Variants in FOXP1 observed in about 807,000 individuals in gnomAD.
FOXP1 encodes forkhead box P1.
A neutral mutation model predicts 98.2 loss-of-function variants in FOXP1; 15 were observed. That is an observed-to-expected ratio of 0.15 (90% CI 0.10 to 0.24). The LOEUF is 0.24. Ranked by LOEUF, FOXP1 falls within the 10% of genes least tolerant of loss-of-function variation. The pLI is 1.00. For synonymous variants in FOXP1, 371 were observed against 314.5 expected, an observed-to-expected ratio of 1.18 and a Z score of -1.90; for missense variants, 633 against 848.5, an observed-to-expected ratio of 0.75 and a Z score of 3.15.
intron 2 of FOXP1, among the ~76,000 whole-genome samples, chr3:71,539,142 C>T (rs374129694): frequency 3.6e-4 from 25 of 70,198 alleles, no homozygotes; most frequent in African/African-American, 7.7e-4. Flanking sequence ...GATGGGGTCT[C>T]GCTCTGTCGC....
At chr3:71,371,166 C>A (rs527599437) in intron 3 of FOXP1, among the ~76,000 whole-genome samples, 1 of 152,136 alleles carries the variant, frequency 6.6e-6, no homozygotes, top group Non-Finnish European at 1.5e-5. Flanking sequence ...GTGCTGCTTC[C>A]GCCACTGCTG....
At chr3:71,441,816 G>C (rs972784688) in intron 3 of FOXP1, among the ~76,000 whole-genome samples, 1 of 152,174 alleles carries the variant, frequency 6.6e-6, no homozygotes, top group African/African-American at 2.4e-5. Context: ...CCTTCCCACT[G>C]AGGCCCTTCA....
chr3:71,033,275 G>A (rs1221142009), intron 11 of FOXP1, among the ~76,000 whole-genome samples: 2 of 152,124 alleles, frequency 1.3e-5, no homozygotes, highest in African/African-American at 4.8e-5. Flanking sequence ...AAGAAATGGG[G>A]GGTCCAAAGA....
chr3:71,336,186 GTT>G (rs1230870645), intron 4 of FOXP1, among the ~76,000 whole-genome samples: 1 of 151,990 alleles, frequency 6.6e-6, no homozygotes, highest in East Asian at 1.9e-4. Context: ...TTCAATAAAA[GTT>G]TAAAAAATGC....
chr3:71,011,618 A>T (rs1327093435), intron 12 of FOXP1, among the ~76,000 whole-genome samples: 1 of 152,010 alleles, frequency 6.6e-6, no homozygotes, highest in East Asian at 1.9e-4. Flanking sequence ...TTATTTATTT[A>T]TTTTTTTCGC....
At chr3:71,121,901 G>T (rs1250128104) in intron 6 of FOXP1, among the ~76,000 whole-genome samples, 2 of 151,790 alleles carry the variant, frequency 1.3e-5, no homozygotes, top group Non-Finnish European at 2.9e-5. Flanking sequence ...CAAATGCAAG[G>T]ATAAATGAAT....
At chr3:71,230,956 G>T (rs975468527) in intron 5 of FOXP1, among the ~76,000 whole-genome samples, 12 of 152,148 alleles carry the variant, frequency 7.9e-5, no homozygotes, top group African/African-American at 2.9e-4. Flanking sequence ...AGACAGGCTT[G>T]CCAGAGAACG....
At chr3:71,182,559 T>G (rs1312194073) in intron 6 of FOXP1, among the ~76,000 whole-genome samples, 1 of 149,884 alleles carries the variant, frequency 6.7e-6, no homozygotes, top group African/African-American at 2.4e-5. Flanking sequence ...CTTTTTTTTT[T>G]TTTTTTAGTA....
In FOXP1 at chr3:71,425,109, C is replaced by T. The variant is rs530978357; in HGVS notation, c.-167-65865G>A. On this transcript the variant is annotated intron_variant, in intron 3 of 20. Transcript: ENST00000649528. ...TTCATTTTCCTGTTTTTTTTTGTTT[C>T]GTTTTGTTTTGTTTTGTTTTGTATG... is the stretch of plus-strand genomic sequence containing the variant. 2.6e-3 allele frequency among the ~76,000 whole-genome samples: 381 copies of T among 149,386 alleles called. 3 individuals are homozygous for T. The highest frequency in any genetic ancestry group is 7.9e-3 in the African/African-American group (324 of 40,886).
At chr3:71,581,871 C>A (rs1445258411) in intron 1 of FOXP1, 174 bp from the exon 2 acceptor site, 4 of 985,422 alleles carry the variant, frequency 4.1e-6, no homozygotes, top group Admixed American at 6.1e-5. Context: ...CTCAGGGAAT[C>A]CCTGCAAGGA....
chr3:71,174,070 T>C (rs1318192618), intron 6 of FOXP1, among the ~76,000 whole-genome samples: 1 of 152,184 alleles, frequency 6.6e-6, no homozygotes, highest in Non-Finnish European at 1.5e-5. Flanking sequence ...TTTTTGTAAG[T>C]AAAGTTTTAC....
At chr3:71,298,459 C>A (rs139994022) in intron 5 of FOXP1, among the ~76,000 whole-genome samples, 1 of 150,446 alleles carries the variant, frequency 6.6e-6, no homozygotes, top group East Asian at 2.0e-4. Flanking sequence ...AGCGAAACTC[C>A]GTCTCAAAAA....
chr3:71,242,261 T>C (rs2067347370), intron 5 of FOXP1, among the ~76,000 whole-genome samples: 1 of 152,226 alleles, frequency 6.6e-6, no homozygotes, highest in African/African-American at 2.4e-5. Flanking sequence ...ATTTTTTTCC[T>C]CATTCCAGCC....
chr3:71,348,512 TGTGTGTGTGC>T (rs71834676), intron 4 of FOXP1, among the ~76,000 whole-genome samples: 6,043 of 65,086 alleles, frequency 0.093, 173 homozygotes, highest in South Asian at 0.14. Context: ...GTTCAGTGTG[TGTGTGTGTGC>T]GTGTGTGTGT....
chr3:71,130,252 A>AT (rs1325795581), intron 6 of FOXP1, among the ~76,000 whole-genome samples: 1 of 152,198 alleles, frequency 6.6e-6, no homozygotes, highest in African/African-American at 2.4e-5. Context: ...TACTTAGCTG[A>AT]TTATATCCAA....
intron 4 of FOXP1, among the ~76,000 whole-genome samples, chr3:71,316,204 G>A (rs940357339): frequency 3.3e-5 from 5 of 152,162 alleles, no homozygotes; most frequent in Non-Finnish European, 7.3e-5. Flanking sequence ...CCTGAACAAA[G>A]TGCTAAAATG....
chr3:71,293,029 T>C (rs944779181), intron 5 of FOXP1, among the ~76,000 whole-genome samples: 6 of 152,200 alleles, frequency 3.9e-5, no homozygotes, highest in Admixed American at 3.9e-4. Context: ...AGTACACTAT[T>C]TGTTTCTTTG....
chr3:71,052,355 G>T (rs966976597), intron 9 of FOXP1, among the ~76,000 whole-genome samples, 182 bp downstream of exon 9: 2 of 152,126 alleles, frequency 1.3e-5, no homozygotes, highest in African/African-American at 2.4e-5. Flanking sequence ...ATATGTGGCA[G>T]CAAGCAAATG....
At chr3:71,532,392 C>T (rs552543089) in intron 2 of FOXP1, among the ~76,000 whole-genome samples, 1 of 152,142 alleles carries the variant, frequency 6.6e-6, no homozygotes, top group South Asian at 2.1e-4. Flanking sequence ...CCACCACGGC[C>T]GGCACAAAGA....
Sources: allele counts gnomAD v4.1 joint callset (sites outside exome capture counted in the v4.1 genomes callset), GRCh38; gene constraint gnomAD v4.1.1; transcripts MANE v1.5; gene names NCBI Gene and HGNC (gene_info 2026-07-23, HGNC 2026-07-21).